ST6GALNAC5: variants seen among roughly 807,000 people sequenced by gnomAD.
ST6GALNAC5 encodes the protein ST6 N-acetylgalactosaminide alpha-2,6-sialyltransferase 5, also known as alpha-N-acetylgalactosaminide alpha-2,6-sialyltransferase 5.
A neutral mutation model predicts 33.6 loss-of-function variants in ST6GALNAC5; 27 were observed. The ratio of observed to expected loss-of-function variants is 0.80; its 90% CI spans 0.59 to 1.11. The LOEUF (loss-of-function observed/expected upper bound fraction) is 1.11. Ranked by LOEUF, ST6GALNAC5 falls within the 50% of genes least tolerant of loss-of-function variation. The probability of loss-of-function intolerance (pLI) is 0.00; values close to 1 mark genes in which losing one functional copy is unlikely to be tolerated. For synonymous variants in ST6GALNAC5, 194 were observed against 171.2 expected, an observed-to-expected ratio of 1.13 and a Z score of -1.04; for missense variants, 428 against 454.0, an observed-to-expected ratio of 0.94 and a Z score of 0.52.
intron 3 of ST6GALNAC5, among the ~76,000 whole-genome samples, chr1:77,049,915 G>GA (rs755468940): frequency 2.8e-4 from 42 of 152,208 alleles, no homozygotes; most frequent in Non-Finnish European, 3.2e-4. Flanking sequence ...TTCTCGTTAA[G>GA]AAAGAGTTGT....
At chr1:76,949,716 G>A (rs1479231759) in intron 2 of ST6GALNAC5, among the ~76,000 whole-genome samples, 1 of 152,066 alleles carries the variant, frequency 6.6e-6, no homozygotes, top group African/African-American at 2.4e-5. Context: ...CAACTCGAGA[G>A]GCATCCCTCC....
chr1:76,933,849 AAC>A (rs1647169880), intron 2 of ST6GALNAC5, among the ~76,000 whole-genome samples: 1 of 151,834 alleles, frequency 6.6e-6, no homozygotes, highest in South Asian at 2.1e-4. Flanking sequence ...ATATCTTTAA[AAC>A]ACAGTTTCTT....
chr1:76,875,514 T>C (rs1387118868), intron 2 of ST6GALNAC5, among the ~76,000 whole-genome samples: 4 of 152,154 alleles, frequency 2.6e-5, no homozygotes, highest in Admixed American at 2.6e-4. Flanking sequence ...GACTTAAAGG[T>C]AGGAGGAACC....
At chr1:76,893,635 A>G (rs865774424) in intron 2 of ST6GALNAC5, among the ~76,000 whole-genome samples, 3 of 152,198 alleles carry the variant, frequency 2.0e-5, no homozygotes, top group South Asian at 2.1e-4. Context: ...AGAAGACACT[A>G]TCTATTCATT....
chr1:76,990,693 T>C (rs564172048), intron 2 of ST6GALNAC5, among the ~76,000 whole-genome samples: 1 of 152,246 alleles, frequency 6.6e-6, no homozygotes, highest in South Asian at 2.1e-4. Flanking sequence ...CACTGACAAA[T>C]AACGAATTAT....
intron 2 of ST6GALNAC5, among the ~76,000 whole-genome samples, chr1:76,987,602 A>T (rs1413194605): frequency 6.6e-6 from 1 of 152,160 alleles, no homozygotes; most frequent in Non-Finnish European, 1.5e-5. Context: ...TCTACCCAAG[A>T]GAAATGAAAA....
At chr1:76,975,744 G>A (rs1648983670) in intron 2 of ST6GALNAC5, among the ~76,000 whole-genome samples, 1 of 152,150 alleles carries the variant, frequency 6.6e-6, no homozygotes, top group African/African-American at 2.4e-5. Context: ...GTTTAGGAAT[G>A]CGTATTTTAA....
intron 2 of ST6GALNAC5, among the ~76,000 whole-genome samples, chr1:76,936,400 C>T (rs1647203923): frequency 6.6e-6 from 1 of 151,958 alleles, no homozygotes; most frequent in African/African-American, 2.4e-5. Flanking sequence ...TTTGGAGCAA[C>T]AGACTTATCT....
chr1:76,883,909 T>G (rs1328256063), intron 2 of ST6GALNAC5, among the ~76,000 whole-genome samples: 1 of 152,170 alleles, frequency 6.6e-6, no homozygotes, highest in Non-Finnish European at 1.5e-5. Context: ...CACATAAAAT[T>G]TCAGTGCAGA....
At chr1:76,919,883 G>T (rs1355920979) in intron 2 of ST6GALNAC5, among the ~76,000 whole-genome samples, 1 of 151,964 alleles carries the variant, frequency 6.6e-6, no homozygotes, top group African/African-American at 2.4e-5. Context: ...GAATCTTTTA[G>T]CCTTGTACAA....
chr1:76,974,717 G>T, intron 2 of ST6GALNAC5, among the ~76,000 whole-genome samples: 1 of 135,922 alleles, frequency 7.4e-6, no homozygotes, highest in Non-Finnish European at 1.6e-5. Flanking sequence ...TAAGATAACA[G>T]TCTTATAATT....
chr1:76,932,675 T>C (rs1168624714), intron 2 of ST6GALNAC5, among the ~76,000 whole-genome samples: 2 of 152,086 alleles, frequency 1.3e-5, no homozygotes, highest in African/African-American at 2.4e-5. Context: ...GTGAGAAACC[T>C]GAACTGGGGA....
intron 2 of ST6GALNAC5, among the ~76,000 whole-genome samples, chr1:76,937,326 T>C (rs531365631): frequency 1.3e-5 from 2 of 152,114 alleles, no homozygotes; most frequent in African/African-American, 2.4e-5. Context: ...ATAGGACTTA[T>C]GGGGAAAATT....
chr1:76,997,581 G>T (rs1026080528), intron 2 of ST6GALNAC5, among the ~76,000 whole-genome samples: 1 of 152,150 alleles, frequency 6.6e-6, no homozygotes, highest in African/African-American at 2.4e-5. Context: ...CTCTTTGAAT[G>T]CTATTGTGGG....
chr1:76,948,858 G>A (rs1647631091), intron 2 of ST6GALNAC5, among the ~76,000 whole-genome samples: 1 of 152,014 alleles, frequency 6.6e-6, no homozygotes, highest in African/African-American at 2.4e-5. Context: ...CTATAGCTGG[G>A]CCATTTTACA....
intron 2 of ST6GALNAC5, among the ~76,000 whole-genome samples, chr1:76,958,025 C>A (rs529879093): frequency 6.6e-6 from 1 of 152,206 alleles, no homozygotes; most frequent in East Asian, 1.9e-4. Context: ...TTTGTCTGAT[C>A]ATTTCTTCAT....
chr1:77,013,081 G>A (rs1239726598), intron 2 of ST6GALNAC5, among the ~76,000 whole-genome samples: 2 of 152,158 alleles, frequency 1.3e-5, no homozygotes, highest in Non-Finnish European at 2.9e-5. Context: ...AGCAGTGTGT[G>A]CACAAGAGGA....
intron 2 of ST6GALNAC5, among the ~76,000 whole-genome samples, chr1:76,886,783 A>G (rs555363322): frequency 1.3e-5 from 2 of 152,316 alleles, no homozygotes; most frequent in East Asian, 1.9e-4. Context: ...GCTATTTCCT[A>G]TAAGTGGAAT....
chr1:76,928,501 A>G (rs1570680648), intron 2 of ST6GALNAC5, among the ~76,000 whole-genome samples: 1 of 152,078 alleles, frequency 6.6e-6, no homozygotes, highest in Non-Finnish European at 1.5e-5. Context: ...CATTGGCTCC[A>G]TTGCCTTACT....
Sources: allele counts gnomAD v4.1 joint callset (sites outside exome capture counted in the v4.1 genomes callset), GRCh38; gene constraint gnomAD v4.1.1; transcripts MANE v1.5; gene names NCBI Gene and HGNC (gene_info 2026-07-23, HGNC 2026-07-21).